MUSK: variants seen among roughly 807,000 people sequenced by gnomAD.
MUSK encodes the protein muscle, skeletal receptor tyrosine-protein kinase.
MUSK carries 55 observed loss-of-function variants against 88.7 expected under a neutral mutation model. The observed-to-expected ratio is 0.62, with a 90% CI of 0.50 to 0.78. The LOEUF (loss-of-function observed/expected upper bound fraction) is 0.78, where lower values mean the gene tolerates loss of function less well. MUSK is among the 30% of genes least tolerant of loss of function. MUSK has a pLI of 0.00. For missense variants in MUSK, 1,015 were observed against 1,074.3 expected (o/e 0.94, Z 0.77); for synonymous variants, 387 against 391.9 (o/e 0.99, Z 0.15).
At chr9:110,698,207 G>C (rs2076458280) in intron 5 of MUSK, among the ~76,000 whole-genome samples, 1 of 152,152 alleles carries the variant, frequency 6.6e-6, no homozygotes, top group Admixed American at 6.5e-5. Context: ...TCTTCCTGTT[G>C]TATGCCAGAG....
At chr9:110,681,442 T>G (rs183824316) in intron 1 of MUSK, among the ~76,000 whole-genome samples, 1 of 151,750 alleles carries the variant, frequency 6.6e-6, no homozygotes, top group East Asian at 1.9e-4. Context: ...GACCTAAAGC[T>G]CAAGGTTTTA....
At position 110,709,918 on chromosome 9, in the gene MUSK, G is replaced by A. The variant is rs537326010; in HGVS notation, c.628+12452G>A. Among the ~76,000 whole-genome samples, 113 of 152,282 alleles carry A rather than the reference G, an allele frequency of 7.4e-4. 2 individuals are homozygous for A. Among genetic ancestry groups the A allele is most frequent in the African/African-American group, 2.3e-3 (94 of 41,566 alleles). On this transcript the variant is annotated intron_variant, in intron 5 of 14. Transcript: ENST00000374448. ...CCAGCCCTTTGGGAGGCTGAGGCAG[G>A]AGGATTGCTTGAGGCCAGGAGTTCG...
At chr9:110,771,535 T>C (rs1005076215) in intron 9 of MUSK, among the ~76,000 whole-genome samples, 8 of 152,220 alleles carry the variant, frequency 5.3e-5, no homozygotes, top group African/African-American at 1.9e-4. Flanking sequence ...CTTCTTTTGT[T>C]CAACATGTTT....
chr9:110,689,709 A>ATATATTTTATATATAAATAT (rs1259002278), intron 3 of MUSK, among the ~76,000 whole-genome samples: 8,806 of 54,102 alleles, frequency 0.16, 1,127 homozygotes, highest in African/African-American at 0.27. Context: ...ATAAATATAT[A>ATATATTTTATATATAAATAT]ACTATATATG....
chr9:110,741,052 G>T (rs558493435), intron 6 of MUSK, among the ~76,000 whole-genome samples: 1 of 152,086 alleles, frequency 6.6e-6, no homozygotes, highest in Non-Finnish European at 1.5e-5. Context: ...AAGTACTGTA[G>T]ATGTAATGTA....
At chr9:110,692,886 C>T (rs913090880) in intron 3 of MUSK, among the ~76,000 whole-genome samples, 15 of 151,762 alleles carry the variant, frequency 9.9e-5, no homozygotes, top group Admixed American at 3.3e-4. Context: ...TGGGTTCCAT[C>T]CTTTTATGTT....
chr9:110,723,234 T>TACAC (rs143582345), intron 5 of MUSK, among the ~76,000 whole-genome samples: 23,995 of 146,538 alleles, frequency 0.16, 2,470 homozygotes, highest in East Asian at 0.43. Context: ...TACATATACA[T>TACAC]ACACACACAC....
chr9:110,785,805 A>G, intron 13 of MUSK, 87 bp downstream of exon 13: 3 of 829,020 alleles, frequency 3.6e-6, no homozygotes, highest in Non-Finnish European at 5.4e-6. Context: ...TATATATAAT[A>G]TTAGCTTTAT....
At position 110,682,779 on chromosome 9, in the gene MUSK, C is replaced by T. The variant is rs751680282; in HGVS notation, c.185C>T (p.Thr62Ile). The T allele has an allele frequency of 1.2e-6, 2 of 1,611,956 alleles. No homozygotes were observed. Among genetic ancestry groups the T allele is most frequent in the African/African-American group, 1.3e-5 (1 of 74,768 alleles). The change falls in exon 2 of 15, where the codon ACT becomes ATT. Residue 62 changes from threonine (T) to isoleucine (I), a missense_variant. Coordinates refer to ENST00000374448, the MANE Select transcript of MUSK (RefSeq NM_005592.4). ...ESYPQPEISWTRNKILIKLFD... is the reference protein window; with the variant it reads ...ESYPQPEISWIRNKILIKLFD... The stretch of plus-strand genomic sequence containing the variant: ...TACCCCCAGCCTGAGATTTCCTGGA[C>T]TAGAAATAAAATTCTCATTAAGTAA...
intron 1 of MUSK, among the ~76,000 whole-genome samples, chr9:110,681,008 A>ATATATAATATATATTATATATTATATAT (rs1384164239): frequency 4.5e-4 from 17 of 37,370 alleles, no homozygotes; most frequent in South Asian, 1.1e-3. Context: ...ATATTATATT[A>ATATATAATATATATTATATATTATATAT]TATATAATAT....
intron 6 of MUSK, among the ~76,000 whole-genome samples, chr9:110,737,829 TA>T (rs1263886536): frequency 6.6e-6 from 1 of 152,152 alleles, no homozygotes; most frequent in Non-Finnish European, 1.5e-5. Context: ...GTGGAGGAAA[TA>T]GGGGGCCCTA....
At chr9:110,742,226 G>T (rs565583529) in intron 6 of MUSK, among the ~76,000 whole-genome samples, 1 of 152,256 alleles carries the variant, frequency 6.6e-6, no homozygotes, top group East Asian at 1.9e-4. Context: ...GGAGGCCAAG[G>T]TGGGAGGATT....
intron 8 of MUSK, among the ~76,000 whole-genome samples, chr9:110,766,466 G>T (rs577598137): frequency 4.9e-4 from 75 of 152,206 alleles, no homozygotes; most frequent in African/African-American, 1.5e-3. Flanking sequence ...ACTCATGTTG[G>T]CTAATTAGAA....
chr9:110,676,132 A>AT (rs978833949), intron 1 of MUSK, among the ~76,000 whole-genome samples: 1 of 151,816 alleles, frequency 6.6e-6, no homozygotes. Context: ...ATCTGCTACA[A>AT]TTTTTTTCTA....
At position 110,799,978 on chromosome 9, in the gene MUSK, T is replaced by A. The variant is rs139673031; in HGVS notation, c.1928-328T>A. Among the ~76,000 whole-genome samples the A allele has an allele frequency of 3.3e-4, 51 of 152,266 alleles. No homozygotes were observed. In the East Asian group the frequency reaches 7.9e-3, roughly 24 times the overall value. ...AGAGAGAAGAGCCACTCCAGAGAAC[T>A]GATACACCATGTACTTATATGCACC... On this transcript the variant is annotated intron_variant, in intron 14 of 14. Transcript: ENST00000374448.
chr9:110,755,940 A>ATATATATACG (rs1346318772), intron 7 of MUSK, among the ~76,000 whole-genome samples: 47 of 76,196 alleles, frequency 6.2e-4, no homozygotes, highest in African/African-American at 2.7e-3. Flanking sequence ...ATACATATAT[A>ATATATATACG]TATATATATA....
At position 110,789,864 on chromosome 9, in the gene MUSK, G is replaced by A. The variant is rs182904854; in HGVS notation, c.1927+2026G>A. ...AGTTAAGGATGCATGTGGATATGGAGGCCTAGAGTTCTGGTAAGGATGATC... is the reference window on the plus strand; with the variant it reads ...AGTTAAGGATGCATGTGGATATGGAAGCCTAGAGTTCTGGTAAGGATGATC... On this transcript the variant is annotated intron_variant, in intron 14 of 14. Transcript: ENST00000374448. 3.8e-3 allele frequency among the ~76,000 whole-genome samples: 573 copies of A among 152,262 alleles called. 9 individuals are homozygous for A. Among genetic ancestry groups the A allele is most frequent in the South Asian group, 0.013 (61 of 4,828 alleles).
chr9:110,699,756 ATATG>A (rs1342839518), intron 5 of MUSK, among the ~76,000 whole-genome samples: 2 of 152,194 alleles, frequency 1.3e-5, no homozygotes, highest in African/African-American at 2.4e-5. Context: ...GCAGACGAGC[ATATG>A]TATGTATCAA....
intron 3 of MUSK, 115 bp downstream of exon 3, chr9:110,687,383 G>A (rs1765241477): frequency 1.7e-6 from 2 of 1,202,356 alleles, no homozygotes; most frequent in African/African-American, 1.5e-5. Flanking sequence ...TGCTCAGGCT[G>A]GAGTGCAGTG....
Sources: gnomAD v4.1 joint callset for allele counts (sites outside exome capture counted in the v4.1 genomes callset) on GRCh38, gnomAD v4.1.1 for gene constraint, MANE v1.5 for transcripts, NCBI Gene and HGNC (gene_info 2026-07-23, HGNC 2026-07-21) for gene names.